The following GUCY1A2 variants were observed in gnomAD, a reference collection of about 807,000 sequenced individuals.
GUCY1A2 encodes the protein guanylate cyclase soluble subunit alpha-2.
In GUCY1A2, 27 loss-of-function variants were observed where a neutral mutation model predicts 63.5. That is an observed-to-expected ratio of 0.43 (90% CI 0.31 to 0.59). The LOEUF is 0.59. Among genes scored for constraint, GUCY1A2 ranks in the 20% least tolerant of loss-of-function variants. The pLI is 0.11. For missense variants in GUCY1A2, 768 were observed against 913.3 expected (o/e 0.84, Z 2.05); for synonymous variants, 364 against 343.5 (o/e 1.06, Z -0.66).
chr11:106,783,166 T>G (rs183463390), intron 5 of GUCY1A2, among the ~76,000 whole-genome samples: 2 of 152,296 alleles, frequency 1.3e-5, no homozygotes, highest in East Asian at 3.9e-4. Context: ...AGGAAGGCCC[T>G]GACACAGACA....
At chr11:106,699,375 G>A (rs1387085164) in intron 7 of GUCY1A2, among the ~76,000 whole-genome samples, 1 of 152,106 alleles carries the variant, frequency 6.6e-6, no homozygotes, top group Non-Finnish European at 1.5e-5. Context: ...TAGATAATGT[G>A]GAAAATTTAC....
At chr11:106,854,068 A>G (rs1314796430) in intron 4 of GUCY1A2, among the ~76,000 whole-genome samples, 1 of 152,166 alleles carries the variant, frequency 6.6e-6, no homozygotes, top group Non-Finnish European at 1.5e-5. Flanking sequence ...GCCCTTGGGT[A>G]GTATACACTG....
intron 6 of GUCY1A2, among the ~76,000 whole-genome samples, chr11:106,709,006 C>G (rs2135349322): frequency 6.7e-6 from 1 of 150,208 alleles, no homozygotes; most frequent in East Asian, 2.0e-4. Flanking sequence ...TCTCCACTTT[C>G]TCCCTCCAGT....
rs1317173205 is a variant in GUCY1A2 at position 106,680,635 on chromosome 11, T to A, written c.*6914A>T. 5.0e-6 allele frequency: 1 copy of A among 198,884 alleles called. No individual in the cohort carries two copies. The highest frequency in any genetic ancestry group is 7.8e-5 in the East Asian group (1 of 12,798). The allele number at this position is 198,884 out of a possible 1,614,324, so 12.3% of individuals were successfully genotyped here. A position where few individuals can be genotyped will look rare whatever the true frequency, so the allele number is the denominator to read the frequency against. On this transcript the variant is annotated 3_prime_UTR_variant, in exon 8 of 8. Transcript: ENST00000526355. The stretch of plus-strand genomic sequence containing the variant: ...CCCAAAACCATTCTTACTAAGGATT[T>A]AAGGATCCAGTGATATACAAGAGGA...
At chr11:106,780,419 A>C (rs970324753) in intron 5 of GUCY1A2, among the ~76,000 whole-genome samples, 1 of 152,188 alleles carries the variant, frequency 6.6e-6, no homozygotes, top group African/African-American at 2.4e-5. Flanking sequence ...GCAACAGTGT[A>C]TTTCTCATTC....
Position 106,826,511 on chromosome 11 carries a change from T to A in GUCY1A2, c.1207-16033A>T. 5 of 1,602,876 alleles carry A rather than the reference T, an allele frequency of 3.1e-6. No individual in the cohort carries two copies. The South Asian group carries it at 5.6e-5, about 18-fold the overall frequency. On this transcript the variant is annotated intron_variant, in intron 4 of 7. Coordinates refer to ENST00000526355, the MANE Select transcript of GUCY1A2 (RefSeq NM_000855.3). ...GTTTCTTCTAAATCAGTTTCACCAA[T>A]TAAGAAAGCTCCCATCATTCGTCCA...
chr11:106,803,883 G>A (rs564762019), intron 5 of GUCY1A2, among the ~76,000 whole-genome samples: 13 of 152,208 alleles, frequency 8.5e-5, no homozygotes, highest in South Asian at 6.2e-4. Flanking sequence ...CAAAGTGCTC[G>A]CCAAAGGCAA....
chr11:106,958,824 T>C (rs1376343545), intron 3 of GUCY1A2, among the ~76,000 whole-genome samples: 1 of 152,230 alleles, frequency 6.6e-6, no homozygotes, highest in East Asian at 1.9e-4. Context: ...TTCAGGTTTA[T>C]TCTTCTTCAC....
At chr11:106,998,342 A>C (rs762110564) in intron 1 of GUCY1A2, among the ~76,000 whole-genome samples, 1 of 152,194 alleles carries the variant, frequency 6.6e-6, no homozygotes, top group Non-Finnish European at 1.5e-5. Context: ...CTTACAGAGG[A>C]GAGGAAATGT....
At chr11:106,830,633 C>T (rs1859037799) in intron 4 of GUCY1A2, among the ~76,000 whole-genome samples, 1 of 152,234 alleles carries the variant, frequency 6.6e-6, no homozygotes, top group African/African-American at 2.4e-5. Flanking sequence ...GAACAACAGA[C>T]TCCAAGTTCT....
At chr11:106,894,243 G>T (rs1860014334) in intron 4 of GUCY1A2, among the ~76,000 whole-genome samples, 1 of 152,152 alleles carries the variant, frequency 6.6e-6, no homozygotes, top group African/African-American at 2.4e-5. Context: ...CAATTTTCCA[G>T]AAAGACATAA....
At chr11:106,826,895 G>C in intron 4 of GUCY1A2, 1 of 1,607,302 alleles carries the variant, frequency 6.2e-7, no homozygotes, top group Non-Finnish European at 8.5e-7. Context: ...TCTTCTCCTA[G>C]ATCAAAACTG....
chr11:106,743,362 A>G (rs1239732116), intron 6 of GUCY1A2, among the ~76,000 whole-genome samples: 1 of 152,230 alleles, frequency 6.6e-6, no homozygotes, highest in East Asian at 1.9e-4. Flanking sequence ...CCACCCACAT[A>G]TGGGTATTTA....
chr11:106,759,681 C>A (rs1478391078), intron 6 of GUCY1A2, among the ~76,000 whole-genome samples: 1 of 152,206 alleles, frequency 6.6e-6, no homozygotes, highest in East Asian at 1.9e-4. Context: ...TGCCTGTAAT[C>A]CCAGCACTTT....
chr11:106,974,429 CTAAT>C (rs1425447388), intron 3 of GUCY1A2, among the ~76,000 whole-genome samples: 3 of 151,948 alleles, frequency 2.0e-5, no homozygotes, highest in Non-Finnish European at 4.4e-5. Flanking sequence ...AATTTTATGA[CTAAT>C]TAAAAGGCTC....
In GUCY1A2 at chr11:107,017,827, T is replaced by G. The variant is rs1861845585; in HGVS notation, c.229A>C (p.Arg77=). Residue 77 remains arginine, a synonymous_variant, in exon 1 of 8, where the codon AGG becomes CGG. Transcript: ENST00000526355. The part of the protein sequence containing the change: ...AAAAAATAGA[R]RVQRRRRVNL... ...ACCCGCCTCCGGCGCTGCACCCTCC[T>G]GGCCCCGGCAGTGGCAGCGGCGGCG... 1 of 1,305,894 alleles carries G rather than the reference T, an allele frequency of 7.7e-7. No individual in the cohort carries two copies. Among genetic ancestry groups the G allele is most frequent in the Non-Finnish European group, 9.7e-7 (1 of 1,029,518 alleles). 80.9% of individuals were successfully genotyped at this position (1,305,894 alleles called of 1,614,324 possible). A position where few individuals can be genotyped will look rare whatever the true frequency, so the allele number is the denominator to read the frequency against.
chr11:106,824,839 G>A (rs1181011934), intron 4 of GUCY1A2: 31 of 1,609,584 alleles, frequency 1.9e-5, no homozygotes, highest in Middle Eastern at 1.6e-4. Flanking sequence ...TCTGAACAAG[G>A]TGATAAAAAG....
chr11:106,844,775 G>C (rs987730106), intron 4 of GUCY1A2, among the ~76,000 whole-genome samples: 3 of 151,652 alleles, frequency 2.0e-5, no homozygotes, highest in African/African-American at 7.3e-5. Context: ...CTGTCTAACA[G>C]AATCAGAGTG....
chr11:106,953,407 C>A (rs1184454314), intron 3 of GUCY1A2, among the ~76,000 whole-genome samples: 1 of 152,168 alleles, frequency 6.6e-6, no homozygotes, highest in Non-Finnish European at 1.5e-5. Flanking sequence ...TTTTGATGTG[C>A]TGCTCATTCA....
Sources: allele counts gnomAD v4.1 joint callset (sites outside exome capture counted in the v4.1 genomes callset), GRCh38; gene constraint gnomAD v4.1.1; transcripts MANE v1.5; gene names NCBI Gene and HGNC (gene_info 2026-07-23, HGNC 2026-07-21).